The following XKR9 variants were observed in gnomAD, a reference collection of about 807,000 sequenced individuals.
XKR9 encodes the protein XK related 9, also known as XK-related protein 9.
In XKR9, 32 loss-of-function variants were observed where a neutral mutation model predicts 32.0. That is an observed-to-expected ratio of 1.00 (90% CI 0.76 to 1.34). The LOEUF is 1.34. Ranked by LOEUF, XKR9 falls within the 40% of genes most tolerant of loss-of-function variation. The pLI is 0.00. For missense variants in XKR9, 546 were observed against 429.7 expected, an observed-to-expected ratio of 1.27 and a Z score of -2.39; for synonymous variants, 168 against 143.4, an observed-to-expected ratio of 1.17 and a Z score of -1.22.
chr8:70,710,499 G>A (rs971034454), intron 4 of XKR9, among the ~76,000 whole-genome samples: 1 of 152,044 alleles, frequency 6.6e-6, no homozygotes. Context: ...TCAGGAGTTC[G>A]AGATCAGCCT....
intron 4 of XKR9, among the ~76,000 whole-genome samples, chr8:70,710,769 A>G (rs1380262606): frequency 6.6e-6 from 1 of 152,110 alleles, no homozygotes; most frequent in Non-Finnish European, 1.5e-5. Flanking sequence ...CAACAAAAAA[A>G]AAGTTGACAG....
the XKR9 span, among the ~76,000 whole-genome samples, chr8:70,862,370 C>T: frequency 6.6e-6 from 1 of 151,922 alleles, no homozygotes; most frequent in Non-Finnish European, 1.5e-5. Flanking sequence ...TAGTGTTTTC[C>T]ATTTTAGACT....
At chr8:70,765,719 T>C (rs1807366202) in intron 2 of XKR9, among the ~76,000 whole-genome samples, 1 of 152,228 alleles carries the variant, frequency 6.6e-6, no homozygotes, top group African/African-American at 2.4e-5. Flanking sequence ...GGTTTTCTTC[T>C]AGGGTTTTTA....
chr8:70,718,798 A>T (rs950038853), intron 4 of XKR9, among the ~76,000 whole-genome samples: 2 of 152,110 alleles, frequency 1.3e-5, no homozygotes, highest in Non-Finnish European at 2.9e-5. Flanking sequence ...GCATGTCTTT[A>T]TAGTAGAATG....
At chr8:70,935,208 T>TATAC in the XKR9 span, among the ~76,000 whole-genome samples, 3 of 145,480 alleles carry the variant, frequency 2.1e-5, no homozygotes, top group Non-Finnish European at 4.5e-5. Context: ...TATACATATA[T>TATAC]ACACACACAC....
chr8:70,756,528 T>C (rs2130196782), intron 2 of XKR9, among the ~76,000 whole-genome samples: 1 of 152,360 alleles, frequency 6.6e-6, no homozygotes, highest in East Asian at 1.9e-4. Flanking sequence ...TTTAGATGTT[T>C]TGTTTCTTTC....
chr8:70,843,620 G>C, the XKR9 span, among the ~76,000 whole-genome samples: 1 of 152,078 alleles, frequency 6.6e-6, no homozygotes, highest in African/African-American at 2.4e-5. Flanking sequence ...GCAAAGCAAA[G>C]ATTGGATGGG....
the XKR9 span, among the ~76,000 whole-genome samples, chr8:70,867,920 C>A: frequency 6.6e-6 from 1 of 152,166 alleles, no homozygotes; most frequent in Non-Finnish European, 1.5e-5. Flanking sequence ...TATAGTCATT[C>A]CAAATGGGAA....
the XKR9 span, among the ~76,000 whole-genome samples, chr8:70,809,738 T>C: frequency 6.6e-6 from 1 of 151,994 alleles, no homozygotes; most frequent in Non-Finnish European, 1.5e-5. Context: ...AAGAGAAATT[T>C]AGAGAAAAAA....
chr8:70,744,705 G>T (rs374599589), intron 2 of XKR9, among the ~76,000 whole-genome samples: 15 of 152,142 alleles, frequency 9.9e-5, no homozygotes, highest in Non-Finnish European at 1.6e-4. Context: ...TCCTGGGTTC[G>T]CGTGATTCTT....
the XKR9 span, among the ~76,000 whole-genome samples, chr8:71,022,602 C>A: frequency 1.4e-4 from 22 of 152,196 alleles, no homozygotes; most frequent in East Asian, 4.1e-3. Context: ...TGGAGAAAAC[C>A]TTTTTGGGTT....
chr8:70,736,538 T>A (rs1806866911), downstream of XKR9, among the ~76,000 whole-genome samples: 1 of 152,242 alleles, frequency 6.6e-6, no homozygotes, highest in African/African-American at 2.4e-5. Context: ...ATGAATTCTG[T>A]GCCCATGCCT....
intron 2 of XKR9, among the ~76,000 whole-genome samples, chr8:70,755,689 C>T (rs1002142608): frequency 7.2e-6 from 1 of 139,418 alleles, no homozygotes; most frequent in Admixed American, 8.1e-5. Flanking sequence ...TGTTCTCACT[C>T]ATAGATGGGA....
At chr8:70,910,163 G>A in the XKR9 span, among the ~76,000 whole-genome samples, 6 of 151,610 alleles carry the variant, frequency 4.0e-5, no homozygotes, top group African/African-American at 1.2e-4. Flanking sequence ...GAGGGTCTGA[G>A]GCAGTGAATG....
the XKR9 span, among the ~76,000 whole-genome samples, chr8:70,849,830 A>C: frequency 6.6e-6 from 1 of 152,196 alleles, no homozygotes; most frequent in Non-Finnish European, 1.5e-5. Context: ...ATCAGAGAAT[A>C]CTATTAACAC....
intron 4 of XKR9, among the ~76,000 whole-genome samples, chr8:70,718,285 CTATT>C (rs961075319): frequency 1.2e-4 from 18 of 150,536 alleles, no homozygotes; most frequent in East Asian, 5.8e-4. Flanking sequence ...TTTTATTAAT[CTATT>C]TATTTATTTT....
At chr8:70,863,690 CTA>C in the XKR9 span, among the ~76,000 whole-genome samples, 1 of 152,158 alleles carries the variant, frequency 6.6e-6, no homozygotes. Flanking sequence ...AGTTAGGACA[CTA>C]TCTCAGTAGT....
At chr8:70,805,266 G>GTGCA in the XKR9 span, among the ~76,000 whole-genome samples, 1 of 152,210 alleles carries the variant, frequency 6.6e-6, no homozygotes, top group Admixed American at 6.5e-5. Context: ...CCATGGAACT[G>GTGCA]TGCAACCCAT....
downstream of XKR9, among the ~76,000 whole-genome samples, chr8:70,792,906 C>G (rs11995770): frequency 1.3e-3 from 197 of 152,242 alleles, no homozygotes; most frequent in African/African-American, 4.5e-3. Flanking sequence ...ACTGAATCTA[C>G]TTGATCTTGG....
Sources: gnomAD v4.1 joint callset for allele counts (sites outside exome capture counted in the v4.1 genomes callset) on GRCh38, gnomAD v4.1.1 for gene constraint, MANE v1.5 for transcripts, NCBI Gene and HGNC (gene_info 2026-07-23, HGNC 2026-07-21) for gene names.